RGS18: variants seen among roughly 807,000 people sequenced by gnomAD.
RGS18 encodes the protein regulator of G-protein signaling 18.
RGS18 carries 22 observed loss-of-function variants against 27.6 expected under a neutral mutation model. That is an observed-to-expected ratio of 0.80 (90% CI 0.57 to 1.14). The LOEUF (loss-of-function observed/expected upper bound fraction) is 1.14. Ranked by LOEUF, RGS18 falls within the 50% of genes most tolerant of loss-of-function variation. The pLI, the probability that RGS18 is intolerant of heterozygous loss-of-function variation, is 0.00. For synonymous variants in RGS18, 89 were observed against 84.6 expected (o/e 1.05, Z -0.29); for missense variants, 299 against 269.6 (o/e 1.11, Z -0.76).
At chr1:192,172,864 C>CATATATATATATATATATAAAT (rs1357314985) in intron 3 of RGS18, among the ~76,000 whole-genome samples, 1 of 135,544 alleles carries the variant, frequency 7.4e-6, no homozygotes, top group African/African-American at 2.7e-5. Context: ...GAAAAATATG[C>CATATATATATATATATATAAAT]ATATATATAT....
intron 3 of RGS18, among the ~76,000 whole-genome samples, chr1:192,175,844 CTA>C (rs1473132759): frequency 6.6e-6 from 1 of 151,892 alleles, no homozygotes; most frequent in African/African-American, 2.4e-5. Flanking sequence ...CACAAATCCA[CTA>C]TGATAGAACA....
At chr1:192,164,807 T>G (rs1369537234) in intron 3 of RGS18, among the ~76,000 whole-genome samples, 1 of 152,196 alleles carries the variant, frequency 6.6e-6, no homozygotes, top group African/African-American at 2.4e-5. Flanking sequence ...TGCTTGACTT[T>G]ACTTTAATCT....
intron 3 of RGS18, chr1:192,161,436 T>C (rs1164545072): frequency 6.6e-6 from 1 of 152,156 alleles, no homozygotes; most frequent in Non-Finnish European, 1.5e-5. Flanking sequence ...CTGTATTCAT[T>C]TTATGCTTTC....
At chr1:192,179,074 A>C (rs1656404880) in intron 3 of RGS18, among the ~76,000 whole-genome samples, 1 of 151,542 alleles carries the variant, frequency 6.6e-6, no homozygotes, top group Non-Finnish European at 1.5e-5. Flanking sequence ...GAGGGAGTTA[A>C]ACCTAAACAG....
chr1:192,166,766 TGTAAAAAGAGAA>T (rs1557935338), intron 3 of RGS18, among the ~76,000 whole-genome samples: 2 of 152,162 alleles, frequency 1.3e-5, no homozygotes, highest in African/African-American at 4.8e-5. Context: ...GAACAAGACT[TGTAAAAAGAGAA>T]CAGAGTAGAG....
At chr1:192,174,702 A>C (rs1482742174) in intron 3 of RGS18, among the ~76,000 whole-genome samples, 1 of 151,878 alleles carries the variant, frequency 6.6e-6, no homozygotes, top group Admixed American at 6.6e-5. Flanking sequence ...AGCCATGTGA[A>C]GATTTTTTTG....
chr1:192,177,151 TATTA>T, intron 3 of RGS18, among the ~76,000 whole-genome samples: 1 of 151,956 alleles, frequency 6.6e-6, no homozygotes, highest in African/African-American at 2.4e-5. Flanking sequence ...GAAACTAGAA[TATTA>T]ATTAAATGTT....
chr1:192,167,866 G>A (rs1398330226), intron 3 of RGS18: 2 of 152,154 alleles, frequency 1.3e-5, no homozygotes, highest in Non-Finnish European at 2.9e-5. Flanking sequence ...TGTTACAGAA[G>A]AAACAATGCA....
intron 3 of RGS18, chr1:192,168,360 T>C (rs894103856): frequency 6.6e-6 from 1 of 152,226 alleles, no homozygotes; most frequent in Non-Finnish European, 1.5e-5. Flanking sequence ...TTTACTATTA[T>C]ATTCATATTA....
At chr1:192,178,310 G>GT (rs901704572) in intron 3 of RGS18, among the ~76,000 whole-genome samples, 2 of 151,640 alleles carry the variant, frequency 1.3e-5, no homozygotes, top group African/African-American at 4.8e-5. Flanking sequence ...ATTCAATGAT[G>GT]TTTTTCACAT....
chr1:192,172,881 AT>A (rs1557937007), intron 3 of RGS18, among the ~76,000 whole-genome samples: 5 of 140,196 alleles, frequency 3.6e-5, no homozygotes, highest in African/African-American at 1.0e-4. Context: ...ATATATATAT[AT>A]AAATATATAT....
intron 4 of RGS18, among the ~76,000 whole-genome samples, chr1:192,183,230 A>G (rs1656485432): frequency 6.6e-6 from 1 of 151,588 alleles, no homozygotes; most frequent in Non-Finnish European, 1.5e-5. Flanking sequence ...TGAAAACCCA[A>G]CCACCATCAG....
chr1:192,182,464 A>G (rs534722027), intron 4 of RGS18, among the ~76,000 whole-genome samples: 1 of 151,714 alleles, frequency 6.6e-6, no homozygotes, highest in East Asian at 2.0e-4. Flanking sequence ...TTTTGTCCAA[A>G]ATGGCACTTT....
chr1:192,175,646 C>G (rs925417570), intron 3 of RGS18, among the ~76,000 whole-genome samples: 4 of 151,858 alleles, frequency 2.6e-5, no homozygotes, highest in African/African-American at 7.2e-5. Context: ...CCATTAACCT[C>G]AGTCCCATAG....
intron 3 of RGS18, among the ~76,000 whole-genome samples, chr1:192,172,334 G>A (rs1007198478): frequency 6.6e-6 from 1 of 151,984 alleles, no homozygotes; most frequent in African/African-American, 2.4e-5. Context: ...TCCCTCGAGA[G>A]TAGGTTCTTA....
intron 3 of RGS18, chr1:192,163,284 G>A (rs2102151153): frequency 6.6e-6 from 1 of 152,146 alleles, no homozygotes; most frequent in South Asian, 2.1e-4. Flanking sequence ...TTCCAGTCTA[G>A]TTACAACTGG....
At chr1:192,160,600 A>G (rs1476263491) in intron 3 of RGS18, 161 bp downstream of exon 3, 1 of 475,366 alleles carries the variant, frequency 2.1e-6, no homozygotes, top group Admixed American at 3.8e-5. Context: ...GAAAAGTCAA[A>G]TAATGGAAAT....
In RGS18 at chr1:192,160,446, G is replaced by T; in HGVS notation, c.283+7G>T. 6.3e-7 allele frequency: 1 copy of T among 1,599,934 alleles called. No individual in the cohort carries two copies. Among genetic ancestry groups the T allele is most frequent in the East Asian group, 2.2e-5 (1 of 44,688 alleles). On this transcript the variant is annotated splice_region_variant and intron_variant, in intron 3 of 4. Coordinates refer to ENST00000367460, the MANE Select transcript of RGS18 (RefSeq NM_130782.3). ...AAACTGCTTTCCCATAGAGGTTAGT[G>T]GTACTTTCACCAAATACTTTGTGTG... is the stretch of plus-strand genomic sequence containing the variant.
At chr1:192,171,170 A>G (rs915153128) in intron 3 of RGS18, among the ~76,000 whole-genome samples, 1 of 152,098 alleles carries the variant, frequency 6.6e-6, no homozygotes, top group African/African-American at 2.4e-5. Context: ...TCAAAGAACC[A>G]TTGTTCATTT....
Sources: allele counts gnomAD v4.1 joint callset (sites outside exome capture counted in the v4.1 genomes callset), GRCh38; gene constraint gnomAD v4.1.1; transcripts MANE v1.5; gene names NCBI Gene and HGNC (gene_info 2026-07-23, HGNC 2026-07-21).